The following CEP104 variants were observed in gnomAD, a reference collection of about 807,000 sequenced individuals.
CEP104 encodes centrosomal protein 104, also known as centrosomal protein of 104 kDa.
Under a neutral mutation model 113.3 loss-of-function variants are expected in CEP104, and 84 were observed. The ratio of observed to expected loss-of-function variants is 0.74; its 90% CI spans 0.62 to 0.89. The LOEUF (loss-of-function observed/expected upper bound fraction) is 0.89, where lower values mean the gene tolerates loss of function less well. CEP104 is among the 40% of genes least tolerant of loss of function. The pLI, the probability that CEP104 is intolerant of heterozygous loss-of-function variation, is 0.00. For synonymous variants in CEP104, 378 were observed against 421.7 expected (o/e 0.90, Z 1.27); for missense variants, 1,053 against 1,156.6 (o/e 0.91, Z 1.30).
Position 3,843,320 on chromosome 1 carries a change from A to T in CEP104, c.566+1587T>A, listed in dbSNP as rs1179203185. On this transcript the variant is annotated intron_variant, in intron 6 of 21. Transcript: ENST00000378230. Reference sequence around the variant, plus strand: ...AAGTGGATTCACCCCCGGTTCTTACACTGCTAAAAAAAAAAAAAAAGAGGA... The same window carrying T: ...AAGTGGATTCACCCCCGGTTCTTACTCTGCTAAAAAAAAAAAAAAAGAGGA... 5 of 545,046 alleles carry T rather than the reference A, an allele frequency of 9.2e-6. No individual in the cohort carries two copies. The Admixed American group carries it at 1.5e-4, about 17-fold the overall frequency. 33.8% of individuals were successfully genotyped at this position (545,046 alleles called of 1,614,324 possible).
intron 20 of CEP104, among the ~76,000 whole-genome samples, chr1:3,821,677 G>A (rs915463339): frequency 3.3e-5 from 5 of 152,168 alleles, no homozygotes; most frequent in Non-Finnish European, 7.3e-5. Flanking sequence ...CACTCACACC[G>A]AGCCTGTGCA....
rs143102406 is a variant in CEP104 at position 3,842,810 on chromosome 1, T to C, written c.566+2097A>G. Among the ~76,000 whole-genome samples the C allele has an allele frequency of 4.9e-3, 750 of 152,290 alleles. 8 individuals are homozygous for C. The highest frequency in any genetic ancestry group is 0.017 in the African/African-American group (711 of 41,554). Reference sequence around the variant, plus strand: ...AAATTTTTTTTGTGCGTGTGTGAGATGGAGTCTTGCTCTGTCCCCCAGACT... The same window carrying C: ...AAATTTTTTTTGTGCGTGTGTGAGACGGAGTCTTGCTCTGTCCCCCAGACT... On this transcript the variant is annotated intron_variant, in intron 6 of 21. Coordinates refer to ENST00000378230, the MANE Select transcript of CEP104 (RefSeq NM_014704.4).
At chr1:3,828,447 G>T (rs1338319643) in intron 15 of CEP104, among the ~76,000 whole-genome samples, 1 of 152,178 alleles carries the variant, frequency 6.6e-6, no homozygotes, top group Non-Finnish European at 1.5e-5. Flanking sequence ...TTTGCCATAG[G>T]AAGTTCAGCC....
intron 6 of CEP104, among the ~76,000 whole-genome samples, chr1:3,841,240 A>C (rs1644406073): frequency 6.6e-6 from 1 of 152,120 alleles, no homozygotes; most frequent in African/African-American, 2.4e-5. Context: ...TATTATAATG[A>C]ATTCAAGTGG....
Position 3,823,095 on chromosome 1 carries a change from G to GACAC in CEP104, c.2571+75_2571+78dup, listed in dbSNP as rs1644010862. 5 of 1,356,158 alleles carry GACAC rather than the reference G, an allele frequency of 3.7e-6. No individual in the cohort carries two copies. Among genetic ancestry groups the GACAC allele is most frequent in the Non-Finnish European group, 5.3e-6 (5 of 949,956 alleles). The allele number at this position is 1,356,158 out of a possible 1,614,324, so 84.0% of individuals were successfully genotyped here. A position where few individuals can be genotyped will look rare whatever the true frequency, so the allele number is the denominator to read the frequency against. Reference sequence around the variant, plus strand: ...TACTCTGTGGCTATGGTCCCGCACTGACACCACCACTGTCACCACCACTGC... The same window carrying GACAC: ...TACTCTGTGGCTATGGTCCCGCACTGACACACACCACCACTGTCACCACCACTGC... On this transcript the variant is annotated intron_variant, in intron 20 of 21. Coordinates refer to ENST00000378230, the MANE Select transcript of CEP104 (RefSeq NM_014704.4). The surrounding 1 kb of genome is among the most constrained non-coding windows in gnomAD (Gnocchi z 4.1).
At chr1:3,850,739 T>G (rs1460360203) in intron 2 of CEP104, among the ~76,000 whole-genome samples, 1 of 151,660 alleles carries the variant, frequency 6.6e-6, no homozygotes, top group Non-Finnish European at 1.5e-5. Context: ...CCAGTGGGAG[T>G]CTGTGGTGAC....
At chr1:3,841,950 G>C (rs564000565) in intron 6 of CEP104, among the ~76,000 whole-genome samples, 1 of 152,330 alleles carries the variant, frequency 6.6e-6, no homozygotes, top group African/African-American at 2.4e-5. Flanking sequence ...GCAGGAGGGA[G>C]GTAGCCATCC....
In CEP104 at chr1:3,837,311, T is replaced by A. The variant is rs1386958283; in HGVS notation, c.1100A>T (p.Asp367Val). The A allele has an allele frequency of 6.2e-7, 1 of 1,612,580 alleles. No individual in the cohort carries two copies. The highest frequency in any genetic ancestry group is 8.5e-7 in the Non-Finnish European group (1 of 1,178,628). The change falls in exon 9 of 22, where the codon GAT becomes GTT. Residue 367 changes from aspartate (D) to valine (V), a missense_variant. Transcript: ENST00000378230. ...SAVDPLLPAT[D>V]PHPKINAESL... ...ACCTACATTGATCTTTGGATGAGGA[T>A]CTGTGGCAGGGAGTAACGGGTCTAC... is the stretch of plus-strand genomic sequence containing the variant.
chr1:3,819,633 G>A lies in CEP104; in HGVS notation c.2572-3263C>T, dbSNP rs972074705. On this transcript the variant is annotated intron_variant, in intron 20 of 21. Transcript: ENST00000378230. This position sits in a 1 kb window ranked among gnomAD's most constrained non-coding sequence, Gnocchi z 4.6. ...CTGGAGATGGAAGGAGAAAGGGCAG[G>A]GGCCATTCAACTAGAACAGAAAGGA... 6.6e-6 allele frequency among the ~76,000 whole-genome samples: 1 copy of A among 152,164 alleles called. No homozygotes were observed. The highest frequency in any genetic ancestry group is 1.5e-5 in the Non-Finnish European group (1 of 68,032).
chr1:3,822,956 G>C lies in CEP104; in HGVS notation c.2571+218C>G, dbSNP rs563372268. 5 of 565,032 alleles carry C rather than the reference G, an allele frequency of 8.8e-6. No individual in the cohort carries two copies. The East Asian group carries it at 1.4e-4, about 16-fold the overall frequency. 35.0% of individuals were successfully genotyped at this position (565,032 alleles called of 1,614,324 possible). ...GGGCCTCAGTGAGTTGAGGCTCCTC[G>C]ATAAACCATTCATAAATGTACGGAA... On this transcript the variant is annotated intron_variant, in intron 20 of 21. Coordinates refer to ENST00000378230, the MANE Select transcript of CEP104 (RefSeq NM_014704.4).
chr1:3,839,197 AC>A, intron 7 of CEP104, 78 bp from the exon 8 acceptor site: 2 of 1,295,422 alleles, frequency 1.5e-6, no homozygotes, highest in Non-Finnish European at 2.2e-6. Context: ...TTTAAGAATC[AC>A]GCGTGAACCG....
chr1:3,851,686 T>G (rs1406558539), intron 2 of CEP104, among the ~76,000 whole-genome samples: 2 of 152,214 alleles, frequency 1.3e-5, no homozygotes, highest in Non-Finnish European at 2.9e-5. Flanking sequence ...AGCATCTTAC[T>G]TGGTCACTCA....
At chr1:3,842,156 T>C (rs1319983208) in intron 6 of CEP104, among the ~76,000 whole-genome samples, 2 of 152,236 alleles carry the variant, frequency 1.3e-5, no homozygotes, top group African/African-American at 2.4e-5. Context: ...GGTGCGATTT[T>C]GGCTCGCTGC....
intron 6 of CEP104, among the ~76,000 whole-genome samples, chr1:3,844,207 G>A (rs61768928): frequency 6.6e-6 from 1 of 152,218 alleles, no homozygotes; most frequent in African/African-American, 2.4e-5. Context: ...TGCTTGTGCT[G>A]ATAAAATATC....
intron 13 of CEP104, among the ~76,000 whole-genome samples, chr1:3,830,261 G>A (rs182921439): frequency 4.3e-4 from 65 of 152,020 alleles, no homozygotes; most frequent in East Asian, 2.1e-3. Context: ...TGTGCGTCTC[G>A]GGGGCCCACA....
intron 20 of CEP104, among the ~76,000 whole-genome samples, chr1:3,816,748 C>T (rs981131330): frequency 1.3e-5 from 2 of 152,260 alleles, no homozygotes; most frequent in African/African-American, 2.4e-5. Flanking sequence ...CGCCAGGCAC[C>T]GCGGGCTCCC....
chr1:3,856,302 A>G (rs61768936), intron 1 of CEP104, among the ~76,000 whole-genome samples: 31,455 of 152,046 alleles, frequency 0.21, 3,641 homozygotes, highest in Non-Finnish European at 0.25. Context: ...GAATCGCTTG[A>G]ACCCGGGAGG....
chr1:3,833,290 CTTT>C (rs1260288073), intron 12 of CEP104, among the ~76,000 whole-genome samples: 5 of 152,058 alleles, frequency 3.3e-5, no homozygotes, highest in African/African-American at 1.2e-4. Flanking sequence ...GGCCTGGATT[CTTT>C]TTTAAGAAGG....
intron 3 of CEP104, among the ~76,000 whole-genome samples, chr1:3,848,276 T>TA (rs1289569677): frequency 2.6e-5 from 4 of 152,072 alleles, no homozygotes; most frequent in African/African-American, 9.7e-5. Context: ...CTCACGCCTG[T>TA]AATCCCAGCA....
Sources: allele counts gnomAD v4.1 joint callset (sites outside exome capture counted in the v4.1 genomes callset), GRCh38; gene constraint gnomAD v4.1.1; non-coding constraint Gnocchi (gnomAD v3.1); transcripts MANE v1.5; gene names NCBI Gene and HGNC (gene_info 2026-07-23, HGNC 2026-07-21).